Variants in IQCM observed in about 807,000 individuals in gnomAD.
IQCM encodes the protein IQ domain-containing protein M.
In IQCM, 45 loss-of-function variants were observed where a neutral mutation model predicts 57.6. The ratio of observed to expected loss-of-function variants is 0.78; its 90% CI spans 0.62 to 1.00. The LOEUF is 1.00. Among genes scored for constraint, IQCM ranks in the 50% least tolerant of loss-of-function variants. The probability of loss-of-function intolerance (pLI) is 0.00; values close to 1 mark genes in which losing one functional copy is unlikely to be tolerated. For missense variants in IQCM, 468 were observed against 511.6 expected, an observed-to-expected ratio of 0.91 and a Z score of 0.82; for synonymous variants, 148 against 158.9, an observed-to-expected ratio of 0.93 and a Z score of 0.51.
chr4:149,565,623 T>G (rs565289453), intron 9 of IQCM, among the ~76,000 whole-genome samples: 1 of 152,208 alleles, frequency 6.6e-6, no homozygotes, highest in Non-Finnish European at 1.5e-5. Context: ...GAAATTTTCA[T>G]AAGAAGAATT....
At chr4:149,513,249 A>G (rs1202339237) in intron 12 of IQCM, among the ~76,000 whole-genome samples, 1 of 152,194 alleles carries the variant, frequency 6.6e-6, no homozygotes, top group African/African-American at 2.4e-5. Context: ...TAATGAGCCA[A>G]TTCCTGAAGA....
intron 7 of IQCM, among the ~76,000 whole-genome samples, chr4:149,653,894 A>G (rs914235782): frequency 1.3e-5 from 2 of 152,162 alleles, no homozygotes; most frequent in African/African-American, 2.4e-5. Flanking sequence ...TGTAACTGGG[A>G]AAAAAATGTA....
chr4:149,428,579 A>G (rs1276137257), intron 13 of IQCM, among the ~76,000 whole-genome samples: 1 of 151,860 alleles, frequency 6.6e-6, no homozygotes, highest in African/African-American at 2.4e-5. Flanking sequence ...ATATATAAGA[A>G]AGTCTTATGT....
chr4:149,657,600 G>T (rs902389640), intron 7 of IQCM, among the ~76,000 whole-genome samples: 1 of 151,890 alleles, frequency 6.6e-6, no homozygotes, highest in African/African-American at 2.4e-5. Flanking sequence ...TTCCATGATC[G>T]CTTACTAATT....
chr4:149,669,855 C>T (rs573782122), intron 7 of IQCM, among the ~76,000 whole-genome samples: 13 of 152,222 alleles, frequency 8.5e-5, no homozygotes, highest in Admixed American at 2.6e-4. Context: ...TTGGTACCAG[C>T]ACCATGCTGT....
At chr4:149,450,927 A>G (rs571893433) in intron 12 of IQCM, among the ~76,000 whole-genome samples, 228 of 151,992 alleles carry the variant, frequency 1.5e-3, no homozygotes, top group African/African-American at 5.2e-3. Flanking sequence ...TGTTTGTTGC[A>G]GCACTGTTCA....
chr4:149,688,329 C>A (rs1762696645), intron 5 of IQCM, among the ~76,000 whole-genome samples: 2 of 151,828 alleles, frequency 1.3e-5, no homozygotes, highest in African/African-American at 2.4e-5. Flanking sequence ...AAAATCAAAT[C>A]AAAAACTCAA....
At chr4:149,565,601 G>T (rs942456476) in intron 9 of IQCM, among the ~76,000 whole-genome samples, 2 of 152,122 alleles carry the variant, frequency 1.3e-5, no homozygotes, top group South Asian at 4.1e-4. Flanking sequence ...ATGGAGATCA[G>T]CCCCAGATTA....
intron 13 of IQCM, among the ~76,000 whole-genome samples, chr4:149,410,853 A>C (rs1220631385): frequency 6.6e-6 from 1 of 152,176 alleles, no homozygotes; most frequent in African/African-American, 2.4e-5. Flanking sequence ...CTAACCCTTC[A>C]ACAGGATAGA....
chr4:149,641,233 TTA>T (rs1758163344), intron 7 of IQCM, among the ~76,000 whole-genome samples: 1 of 152,050 alleles, frequency 6.6e-6, no homozygotes, highest in Admixed American at 6.6e-5. Flanking sequence ...GGTAAAACAA[TTA>T]TGTTATTTAG....
chr4:149,431,622 T>C (rs889558411), intron 13 of IQCM, among the ~76,000 whole-genome samples: 1 of 152,012 alleles, frequency 6.6e-6, no homozygotes, highest in Non-Finnish European at 1.5e-5. Flanking sequence ...AACTCCCTCA[T>C]GCTGCCTCTT....
At chr4:149,473,234 G>T (rs1399267241) in intron 12 of IQCM, among the ~76,000 whole-genome samples, 1 of 151,916 alleles carries the variant, frequency 6.6e-6, no homozygotes, top group African/African-American at 2.4e-5. Context: ...TCTGACAAAG[G>T]GCTAATATCC....
intron 9 of IQCM, among the ~76,000 whole-genome samples, chr4:149,572,235 T>G (rs1751227183): frequency 6.6e-6 from 1 of 151,992 alleles, no homozygotes; most frequent in Admixed American, 6.6e-5. Context: ...ATTTTCTGGA[T>G]AAAACAATAT....
chr4:149,636,966 A>C (rs1579798010), intron 7 of IQCM, among the ~76,000 whole-genome samples: 3 of 150,768 alleles, frequency 2.0e-5, no homozygotes, highest in East Asian at 2.0e-4. Context: ...ACAAGGTGAA[A>C]CCCCGCCTCT....
At chr4:149,790,521 C>T (rs1772499363) in intron 2 of IQCM, among the ~76,000 whole-genome samples, 1 of 152,148 alleles carries the variant, frequency 6.6e-6, no homozygotes, top group Non-Finnish European at 1.5e-5. Flanking sequence ...TGTATTAATA[C>T]CAGTGGCCTC....
At chr4:149,468,525 C>G (rs981049935) in intron 12 of IQCM, among the ~76,000 whole-genome samples, 3 of 152,198 alleles carry the variant, frequency 2.0e-5, no homozygotes, top group African/African-American at 7.2e-5. Context: ...GGCCTGCATG[C>G]CTCCGTAGAC....
At chr4:149,696,073 A>G (rs1433643100) in intron 5 of IQCM, among the ~76,000 whole-genome samples, 1 of 152,170 alleles carries the variant, frequency 6.6e-6, no homozygotes, top group Non-Finnish European at 1.5e-5. Context: ...TCCACACTTC[A>G]TAACAAAATG....
At chr4:149,783,211 T>G (rs28419623) in intron 2 of IQCM, among the ~76,000 whole-genome samples, 10,088 of 152,264 alleles carry the variant, frequency 0.066, 861 homozygotes, top group African/African-American at 0.19. Flanking sequence ...CATCCCACAA[T>G]AAAACCTATT....
chr4:149,534,501 T>A (rs537430511), intron 12 of IQCM, among the ~76,000 whole-genome samples: 3 of 152,238 alleles, frequency 2.0e-5, no homozygotes, highest in Admixed American at 2.0e-4. Flanking sequence ...ATGTCCTCTA[T>A]ATCCAAACCA....
Sources: allele counts gnomAD v4.1 joint callset (sites outside exome capture counted in the v4.1 genomes callset), GRCh38; gene constraint gnomAD v4.1.1; transcripts MANE v1.5; gene names NCBI Gene and HGNC (gene_info 2026-07-23, HGNC 2026-07-21).